Variants in PHKA2 observed in about 807,000 individuals in gnomAD.
PHKA2 encodes phosphorylase b kinase regulatory subunit alpha, liver isoform.
In PHKA2, 31 loss-of-function variants were observed where a neutral mutation model predicts 102.0. The observed-to-expected ratio is 0.30, with a 90% CI of 0.23 to 0.41. PHKA2 has a LOEUF of 0.41. PHKA2 is among the 10% of genes least tolerant of loss of function. The pLI is 1.00. For missense variants in PHKA2, 858 were observed against 1,023.1 expected, an observed-to-expected ratio of 0.84 and a Z score of 2.20; for synonymous variants, 455 against 416.2, an observed-to-expected ratio of 1.09 and a Z score of -1.13.
intron 11 of PHKA2, among the ~76,000 whole-genome samples, chrX:18,935,777 A>ATTTTTTT: frequency 1.3e-5 from 1 of 77,209 alleles, no homozygotes; most frequent in Middle Eastern, 6.9e-3. Context: ...TAATTTTTGT[A>ATTTTTTT]TTTTTTTTTT....
intron 26 of PHKA2, among the ~76,000 whole-genome samples, chrX:18,905,330 C>G (rs369463831): frequency 8.9e-6 from 1 of 111,871 alleles, no homozygotes; most frequent in Non-Finnish European, 1.9e-5. Flanking sequence ...CGCGCCACCA[C>G]GCCTGACTAA....
At chrX:18,939,846 G>T in intron 9 of PHKA2, 149 bp downstream of exon 9, 1 of 538,976 alleles carries the variant, frequency 1.9e-6, no homozygotes, top group Non-Finnish European at 3.3e-6. Context: ...CTATGCTATT[G>T]CCTGGCTCCA....
At chrX:18,949,712 T>C (rs901697867) in intron 4 of PHKA2, among the ~76,000 whole-genome samples, 2 of 112,494 alleles carry the variant, frequency 1.8e-5, no homozygotes, top group Non-Finnish European at 3.8e-5. Context: ...CTTAAACATG[T>C]AAAAAATGCA....
Position 18,906,827 on chromosome X carries a change from A to C in PHKA2, c.2598-13T>G. ...TGGGGGAAGGGGCCTAGAAAGGAGCATTGTGTCACGAATGTGATGAGGTGT... is the reference window on the plus strand; with the variant it reads ...TGGGGGAAGGGGCCTAGAAAGGAGCCTTGTGTCACGAATGTGATGAGGTGT... On this transcript the variant is annotated splice_polypyrimidine_tract_variant and intron_variant, in intron 23 of 32. Coordinates refer to ENST00000379942, the MANE Select transcript of PHKA2 (RefSeq NM_000292.3). 3 of 1,192,151 alleles carry C rather than the reference A, an allele frequency of 2.5e-6. No homozygotes were observed. The highest frequency in any genetic ancestry group is 3.4e-6 in the Non-Finnish European group (3 of 877,369).
chrX:18,961,583 G>A (rs370976541), intron 1 of PHKA2, among the ~76,000 whole-genome samples: 8 of 105,139 alleles, frequency 7.6e-5, no homozygotes, highest in African/African-American at 1.4e-4. Flanking sequence ...ACTTGAACCC[G>A]GGAGGCGGAG....
chrX:18,982,707 G>A (rs765349624), intron 1 of PHKA2, among the ~76,000 whole-genome samples: 12 of 111,605 alleles, frequency 1.1e-4, no homozygotes, highest in African/African-American at 3.6e-4. Flanking sequence ...GGTGGCGCAC[G>A]CCTGTAGTCC....
chrX:18,893,138 G>A lies in PHKA2; in HGVS notation c.*347C>T, dbSNP rs942868632. The A allele has an allele frequency of 2.1e-5, 6 of 291,923 alleles. No homozygotes were observed. The highest frequency in any genetic ancestry group is 4.5e-5 in the South Asian group (1 of 22,348). The allele number at this position is 291,923 out of a possible 1,213,427, so 24.1% of individuals were successfully genotyped here. A position where few individuals can be genotyped will look rare whatever the true frequency, so the allele number is the denominator to read the frequency against. On this transcript the variant is annotated 3_prime_UTR_variant, in exon 33 of 33. Transcript: ENST00000379942. ...ACTATTTCTGTAACTCTCTGCAAGA[G>A]CCAATTTAAGCTGGCGTCTCAGTTC...
chrX:18,898,479 G>A (rs889420704), intron 29 of PHKA2, among the ~76,000 whole-genome samples: 2 of 112,957 alleles, frequency 1.8e-5, no homozygotes, highest in Admixed American at 1.9e-4. Context: ...TTTGTTTCTC[G>A]ATAGTGCCAC....
chrX:18,892,741 GTCT>G lies in PHKA2; in HGVS notation c.*741_*743del, dbSNP rs2047447811. ...CTTGCCTGGCTATAAGAGGAGCCTT[GTCT>G]TTTTTTTTTTTTTTTTCTAGATTCC... On this transcript the variant is annotated 3_prime_UTR_variant, in exon 33 of 33. Transcript: ENST00000379942. 1 of 105,146 alleles carries G rather than the reference GTCT, an allele frequency of 9.5e-6. No homozygotes were observed. The highest frequency in any genetic ancestry group is 3.5e-5 in the African/African-American group (1 of 28,384). 8.7% of individuals were successfully genotyped at this position (105,146 alleles called of 1,213,427 possible). A position where few individuals can be genotyped will look rare whatever the true frequency, so the allele number is the denominator to read the frequency against.
At chrX:18,969,192 G>C (rs1166933503) in intron 1 of PHKA2, among the ~76,000 whole-genome samples, 1 of 109,278 alleles carries the variant, frequency 9.2e-6, no homozygotes, top group Non-Finnish European at 1.9e-5. Flanking sequence ...AACAAATATT[G>C]TCAGTTGTTT....
In PHKA2 at chrX:18,969,728, C is replaced by T. The variant is rs147056842; in HGVS notation, c.78+14127G>A. On this transcript the variant is annotated intron_variant, in intron 1 of 32. Coordinates refer to ENST00000379942, the MANE Select transcript of PHKA2 (RefSeq NM_000292.3). ...ATCCTGAAAGGGTGTCAGGGACCTT[C>T]GGGGATCTGGGGATCACCCTCTGTG... 6.8e-3 allele frequency among the ~76,000 whole-genome samples: 762 copies of T among 111,305 alleles called. 1 individual carries two copies. Among genetic ancestry groups the T allele is most frequent in the South Asian group, 0.018 (47 of 2,647 alleles).
chrX:18,971,925 G>A (rs139924938), intron 1 of PHKA2, among the ~76,000 whole-genome samples: 93 of 112,684 alleles, frequency 8.3e-4, no homozygotes, highest in African/African-American at 2.6e-3. Flanking sequence ...TTCCCATTCT[G>A]TAGCTCATCT....
At chrX:18,976,659 T>C (rs1320245533) in intron 1 of PHKA2, among the ~76,000 whole-genome samples, 4 of 111,795 alleles carry the variant, frequency 3.6e-5, no homozygotes, top group Non-Finnish European at 7.5e-5. Flanking sequence ...TTATAAACTT[T>C]CTCATAGGTA....
rs2047515035 is a variant in PHKA2, at chrX:18,895,156, T to C, written c.3318A>G (p.Pro1106=). The C allele has an allele frequency of 1.7e-6, 2 of 1,210,711 alleles. No individual in the cohort carries two copies. The highest frequency in any genetic ancestry group is 2.2e-6 in the Non-Finnish European group (2 of 894,761). The part of the protein sequence containing the change: ...HGLSIDGYVL[P]SSTTREMTPH... ...ATCGTACCTCTCGGGTCGTCGAGGA[T>C]GGGAGGACATAACCATCGATGGAGA... The change falls in exon 31 of 33, where the codon CCA becomes CCG. Residue 1106 remains proline, a synonymous_variant. Coordinates refer to ENST00000379942, the MANE Select transcript of PHKA2 (RefSeq NM_000292.3).
intron 3 of PHKA2, among the ~76,000 whole-genome samples, 165 bp downstream of exon 3, chrX:18,952,329 C>CAAA (rs1198542984): frequency 8.5e-5 from 3 of 35,252 alleles, no homozygotes; most frequent in African/African-American, 1.5e-4. Context: ...GACCCTGTCT[C>CAAA]AAAAAAAAAA....
At chrX:18,969,631 A>C (rs1173535981) in intron 1 of PHKA2, among the ~76,000 whole-genome samples, 1 of 110,862 alleles carries the variant, frequency 9.0e-6, no homozygotes, top group Non-Finnish European at 1.9e-5. Context: ...TTATCACTGC[A>C]AATGTCAACA....
In PHKA2 at chrX:18,899,211, G is replaced by C. The variant is rs61733286; in HGVS notation, c.3073C>G (p.Gln1025Glu). 15 of 1,207,754 alleles carry C rather than the reference G, an allele frequency of 1.2e-5. No homozygotes were observed. In the African/African-American group the frequency reaches 2.4e-4, roughly 20 times the overall value. Residue 1025 changes from glutamine to glutamate, a missense_variant, in exon 29 of 33, where the codon CAG becomes GAG. This residue lies in a region of PHKA2 where 671 missense variants were observed against 745.2 expected (regional missense o/e 0.90). Transcript: ENST00000379942. ...GAATGCGCACTGCTGGACGCGGCCT[G>C]GCCCACAGAAAAGAACTACAAAACA... ...SADEQFFSVG[Q>E]AASSSAHSSK...
rs1165291887 is a variant in PHKA2 at position 18,925,730 on chromosome X, C to A, written c.1507G>T (p.Gly503Cys). The change falls in exon 15 of 33, where the codon GGT becomes TGT. Residue 503 changes from glycine to cysteine, a missense_variant. Around this residue, in one of 2 missense-constraint regions of PHKA2, gnomAD observed 671 missense variants for 745.2 expected, o/e 0.90. Transcript: ENST00000379942. ...NLSGRPYRHI[G>C]VLGTSKLYVI... is the part of the protein sequence containing the mutation. ...TATAGTTTAGAGGTTCCAAGGACAC[C>A]AATATGTCGATACGGTCGCCCACTC... is the stretch of plus-strand genomic sequence containing the variant. 1 of 1,199,857 alleles carries A rather than the reference C, an allele frequency of 8.3e-7. No individual in the cohort carries two copies. Among genetic ancestry groups the A allele is most frequent in the Non-Finnish European group, 1.1e-6 (1 of 884,799 alleles).
intron 17 of PHKA2, 93 bp from the exon 18 acceptor site, chrX:18,920,294 C>T (rs993854751): frequency 1.8e-6 from 1 of 556,287 alleles, no homozygotes; most frequent in Non-Finnish European, 3.3e-6. Flanking sequence ...CCATGTGGTG[C>T]TTCTGCCAGA....
Sources: gnomAD v4.1 joint callset for allele counts (sites outside exome capture counted in the v4.1 genomes callset) on GRCh38, gnomAD v4.1.1 for gene constraint, gnomAD v4.1.1 regional missense constraint, MANE v1.5 for transcripts, NCBI Gene and HGNC (gene_info 2026-07-23, HGNC 2026-07-21) for gene names.